The following PRAC2 variants were observed in gnomAD, a reference collection of about 807,000 sequenced individuals.
PRAC2 encodes the protein protein PRAC2.
For synonymous variants in PRAC2, 43 were observed against 49.5 expected (o/e 0.87, Z 0.55); for missense variants, 92 against 114.5 (o/e 0.80, Z 0.90).
upstream of PRAC2, among the ~76,000 whole-genome samples, chr17:48,719,212 A>AACACACACACACACACACACAC (rs3060082): frequency 3.5e-5 from 5 of 141,032 alleles, no homozygotes; most frequent in African/African-American, 1.0e-4. Flanking sequence ...CTCGCACACA[A>AACACACACACACACACACACAC]ACACACACAC....
upstream of PRAC2, among the ~76,000 whole-genome samples, chr17:48,722,706 G>A (rs1189487777): frequency 6.6e-6 from 1 of 152,092 alleles, no homozygotes; most frequent in Non-Finnish European, 1.5e-5. Flanking sequence ...GGTTGCTGTG[G>A]CCCTTCCTCC....
rs538931725 is a variant in PRAC2 at position 48,723,435 on chromosome 17, G to A, written c.-84+122G>A. The A allele has an allele frequency of 1.1e-5, 4 of 349,930 alleles. No individual in the cohort carries two copies. The South Asian group carries it at 4.6e-4, about 41-fold the overall frequency. 21.7% of individuals were successfully genotyped at this position (349,930 alleles called of 1,614,324 possible). ...AAACCCAATTAGAGTGCAGCACTTA[G>A]CACCTTCAATATAACTTTAATGAAG... On this transcript the variant is annotated intron_variant, in intron 1 of 1. Transcript: ENST00000422730.
At chr17:48,721,925 AT>A, upstream of PRAC2, 1 of 1,488,638 alleles carries the variant, frequency 6.7e-7, no homozygotes, top group Non-Finnish European at 9.0e-7. Context: ...ATATTTACAA[AT>A]TTTAAATAAT....
upstream of PRAC2, among the ~76,000 whole-genome samples, chr17:48,720,813 G>C (rs994555056): frequency 2.6e-5 from 4 of 152,196 alleles, no homozygotes; most frequent in Admixed American, 6.5e-5. Context: ...TGTGATCTCA[G>C]CTGGGTGACT....
At position 48,724,405 on chromosome 17, in the gene PRAC2, G is replaced by A. The variant is rs1358507901; in HGVS notation, c.-6G>A. The stretch of plus-strand genomic sequence containing the variant: ...TAATTATTATGGCGAGGAAGATAAA[G>A]AAGACATGGACAGAAGGCGGATGGC... On this transcript the variant is annotated 5_prime_UTR_variant, in exon 2 of 2. Transcript: ENST00000422730. The A allele has an allele frequency of 8.1e-7, 1 of 1,234,244 alleles. No individual in the cohort carries two copies. The highest frequency in any genetic ancestry group is 1.6e-5 in the African/African-American group (1 of 64,498). 76.5% of individuals were successfully genotyped at this position (1,234,244 alleles called of 1,614,324 possible).
At chr17:48,720,867 G>T (rs1167370410), upstream of PRAC2, among the ~76,000 whole-genome samples, 1 of 152,216 alleles carries the variant, frequency 6.6e-6, no homozygotes, top group African/African-American at 2.4e-5. Context: ...GGGCCTTGCA[G>T]GGAGAGGTAT....
chr17:48,724,614 C>T lies in PRAC2; in HGVS notation c.204C>T (p.Ala68=). The change falls in exon 2 of 2, where the codon GCC becomes GCT. Residue 68 remains alanine, a synonymous_variant. Transcript: ENST00000422730. ...ACACGCAGCTCAGTACCCACGAGGCCCCAGGCCGCTGGAAGCCTGTAGCTC... is the reference window on the plus strand; with the variant it reads ...ACACGCAGCTCAGTACCCACGAGGCTCCAGGCCGCTGGAAGCCTGTAGCTC... ...DPHTQLSTHE[A]PGRWKPVAPR... The T allele has an allele frequency of 8.1e-7, 1 of 1,232,146 alleles. No individual in the cohort carries two copies. Among genetic ancestry groups the T allele is most frequent in the Non-Finnish European group, 1.0e-6 (1 of 987,984 alleles). 76.3% of individuals were successfully genotyped at this position (1,232,146 alleles called of 1,614,324 possible). A position where few individuals can be genotyped will look rare whatever the true frequency, so the allele number is the denominator to read the frequency against.
In PRAC2 at chr17:48,724,640, C is replaced by T. The variant is rs926251338; in HGVS notation, c.230C>T (p.Pro77Leu). Residue 77 changes from proline to leucine, a missense_variant, in exon 2 of 2, where the codon CCG (proline) becomes CTG (leucine). Pro to Leu is a moderately conservative substitution (Grantham distance 98, BLOSUM62 -3). Transcript: ENST00000422730. ...CCAGGCCGCTGGAAGCCTGTAGCTC[C>T]GCGGACGATGAAAGCCTGCCCGCAG... The part of the protein sequence containing the change: ...EAPGRWKPVA[P>L]RTMKACPQVL... 1 of 1,232,186 alleles carries T rather than the reference C, an allele frequency of 8.1e-7. No individual in the cohort carries two copies. The highest frequency in any genetic ancestry group is 3.1e-4 in the Middle Eastern group (1 of 3,210). The allele number at this position is 1,232,186 out of a possible 1,614,324, so 76.3% of individuals were successfully genotyped here. A position where few individuals can be genotyped will look rare whatever the true frequency, so the allele number is the denominator to read the frequency against.
upstream of PRAC2, among the ~76,000 whole-genome samples, chr17:48,719,891 G>T (rs2038128819): frequency 6.6e-6 from 1 of 152,160 alleles, no homozygotes; most frequent in Non-Finnish European, 1.5e-5. Context: ...AGCCCCCTCC[G>T]CCCTTCCCCT....
chr17:48,722,191 C>T (rs1265524948), upstream of PRAC2: 2 of 821,400 alleles, frequency 2.4e-6, no homozygotes, highest in Non-Finnish European at 4.0e-6. Context: ...GCTGCTCACC[C>T]TTCCCTTGTT....
Position 48,724,539 on chromosome 17 carries a change from T to A in PRAC2, c.129T>A (p.His43Gln). 1 of 1,232,484 alleles carries A rather than the reference T, an allele frequency of 8.1e-7. No homozygotes were observed. The highest frequency in any genetic ancestry group is 1.6e-5 in the African/African-American group (1 of 64,464). The allele number at this position is 1,232,484 out of a possible 1,614,324, so 76.3% of individuals were successfully genotyped here. Residue 43 changes from histidine (H) to glutamine (Q), a missense_variant, in exon 2 of 2, where the codon CAT becomes CAA. His to Gln is a conservative substitution (Grantham distance 24, BLOSUM62 0). Transcript: ENST00000422730. The part of the protein sequence containing the change: ...FLGLSGAGPI[H>Q]LPMPWPNGRR... ...GTCTCTCGGGGGCTGGACCAATACATCTGCCGATGCCCTGGCCGAATGGCA... is the reference window on the plus strand; with the variant it reads ...GTCTCTCGGGGGCTGGACCAATACAACTGCCGATGCCCTGGCCGAATGGCA...
chr17:48,723,606 A>T, intron 1 of PRAC2: 1 of 825,244 alleles, frequency 1.2e-6, no homozygotes, highest in Non-Finnish European at 1.6e-6. Flanking sequence ...TACTATTTGG[A>T]GTAGGGATCG....
upstream of PRAC2, chr17:48,722,204 C>T: frequency 1.1e-6 from 1 of 915,022 alleles, no homozygotes; most frequent in Non-Finnish European, 1.7e-6. Context: ...CCCTTGTTTC[C>T]CAAAACTTCT....
At chr17:48,721,491 A>G (rs906699850), upstream of PRAC2, among the ~76,000 whole-genome samples, 1 of 151,962 alleles carries the variant, frequency 6.6e-6, no homozygotes, top group Non-Finnish European at 1.5e-5. Flanking sequence ...ATGCCCAGCT[A>G]ATTGTTGTAT....
At chr17:48,721,746 A>G (rs1344306317), upstream of PRAC2, 14 of 1,429,828 alleles carry the variant, frequency 9.8e-6, no homozygotes, top group East Asian at 2.6e-5. Context: ...ATTTTATTGT[A>G]TAAATAGAGA....
At chr17:48,721,619 C>G (rs953373120), upstream of PRAC2, 1 of 510,188 alleles carries the variant, frequency 2.0e-6, no homozygotes, top group Non-Finnish European at 3.2e-6. Context: ...GCCACTATGC[C>G]TGGCCCGTTT....
chr17:48,723,660 G>A, intron 1 of PRAC2: 1 of 1,221,904 alleles, frequency 8.2e-7, no homozygotes, highest in Non-Finnish European at 1.0e-6. Context: ...CGGCGGCCTC[G>A]CAGGGTTCCC....
chr17:48,720,767 A>C (rs2038137166), upstream of PRAC2, among the ~76,000 whole-genome samples: 1 of 152,150 alleles, frequency 6.6e-6, no homozygotes, highest in African/African-American at 2.4e-5. Context: ...CCAGTGCCTG[A>C]GGAGGGGCTG....
rs951179846 is a variant in PRAC2, at chr17:48,724,567, C to T, written c.157C>T (p.Arg53Ter). 1.4e-5 allele frequency: 17 copies of T among 1,232,140 alleles called. No individual in the cohort carries two copies. The East Asian group carries it at 4.4e-4, about 32-fold the overall frequency. The allele number at this position is 1,232,140 out of a possible 1,614,324, so 76.3% of individuals were successfully genotyped here. Residue 53 changes from arginine (R) to a stop codon, truncating the protein, a stop_gained, in exon 2 of 2, where the codon CGA (arginine) becomes TGA (stop). Coordinates refer to ENST00000422730, the MANE Select transcript of PRAC2 (RefSeq NM_001282275.2). LOFTEE classifies it low-confidence loss of function (END_TRUNC). ...HLPMPWPNGR[R>*]HRVLDPHTQL... ...GCCGATGCCCTGGCCGAATGGCAGG[C>T]GACATCGGGTCCTGGACCCCCACAC...
Sources: gnomAD v4.1 joint callset for allele counts (sites outside exome capture counted in the v4.1 genomes callset) on GRCh38, gnomAD v4.1.1 for gene constraint, MANE v1.5 for transcripts, NCBI Gene and HGNC (gene_info 2026-07-23, HGNC 2026-07-21) for gene names.